Variants in ARHGAP15 observed in about 807,000 individuals in gnomAD.
The protein encoded by ARHGAP15 is Rho GTPase activating protein 15.
ARHGAP15 carries 51 observed loss-of-function variants against 63.7 expected under a neutral mutation model. That is an observed-to-expected ratio of 0.80 (90% CI 0.64 to 1.01). ARHGAP15 has a LOEUF of 1.01. Ranked by LOEUF, ARHGAP15 falls within the 50% of genes least tolerant of loss-of-function variation. ARHGAP15 has a pLI of 0.00. For synonymous variants in ARHGAP15, 191 were observed against 193.8 expected, an observed-to-expected ratio of 0.99 and a Z score of 0.12; for missense variants, 560 against 564.6, an observed-to-expected ratio of 0.99 and a Z score of 0.08.
At chr2:143,198,495 T>G (rs1175147818) in intron 2 of ARHGAP15, among the ~76,000 whole-genome samples, 1 of 152,062 alleles carries the variant, frequency 6.6e-6, no homozygotes, top group Non-Finnish European at 1.5e-5. Context: ...AAATAAAATA[T>G]ATTCATACCA....
At chr2:143,200,010 T>C (rs941264852) in intron 2 of ARHGAP15, among the ~76,000 whole-genome samples, 1 of 152,086 alleles carries the variant, frequency 6.6e-6, no homozygotes, top group African/African-American at 2.4e-5. Context: ...ACTTGGTACC[T>C]GGGAAAAACA....
intron 6 of ARHGAP15, among the ~76,000 whole-genome samples, chr2:143,258,595 A>G (rs1420116911): frequency 1.3e-5 from 2 of 152,162 alleles, no homozygotes; most frequent in African/African-American, 4.8e-5. Context: ...TGGTATTTGA[A>G]GAGGGGAGGA....
At chr2:143,471,583 G>A (rs926976327) in intron 8 of ARHGAP15, among the ~76,000 whole-genome samples, 1 of 152,024 alleles carries the variant, frequency 6.6e-6, no homozygotes, top group Non-Finnish European at 1.5e-5. Flanking sequence ...ACAATTTTAA[G>A]TAGAGAAAGA....
In ARHGAP15 at chr2:143,387,500, G is replaced by C. The variant is rs72999529; in HGVS notation, c.475-48101G>C. Among the ~76,000 whole-genome samples, 245 of 152,248 alleles carry C rather than the reference G, an allele frequency of 1.6e-3. 1 individual carries two copies. The highest frequency in any genetic ancestry group is 5.5e-3 in the African/African-American group (227 of 41,526). On this transcript the variant is annotated intron_variant, in intron 6 of 13. Coordinates refer to ENST00000295095, the MANE Select transcript of ARHGAP15 (RefSeq NM_018460.4). Reference sequence around the variant, plus strand: ...GAGCACCCATTGTGAGCCAGGCCCTGTTGTATACTCTTTTCAATTATTAGT... The same window carrying C: ...GAGCACCCATTGTGAGCCAGGCCCTCTTGTATACTCTTTTCAATTATTAGT...
At chr2:143,460,700 C>T (rs2105157935) in intron 8 of ARHGAP15, among the ~76,000 whole-genome samples, 1 of 152,118 alleles carries the variant, frequency 6.6e-6, no homozygotes, top group Non-Finnish European at 1.5e-5. Context: ...AAGACTTTAC[C>T]TAAACTTTGA....
intron 9 of ARHGAP15, among the ~76,000 whole-genome samples, chr2:143,516,780 T>G (rs907409184): frequency 6.6e-6 from 1 of 152,190 alleles, no homozygotes; most frequent in African/African-American, 2.4e-5. Flanking sequence ...TTTCTTGGAG[T>G]GGTTACACAG....
intron 13 of ARHGAP15, among the ~76,000 whole-genome samples, chr2:143,763,593 T>C (rs139585557): frequency 6.7e-6 from 1 of 149,946 alleles, no homozygotes; most frequent in African/African-American, 2.5e-5. Context: ...AAATTGCATA[T>C]ATATATCTTA....
chr2:143,158,499 C>T (rs191150082), intron 2 of ARHGAP15, among the ~76,000 whole-genome samples: 4 of 151,982 alleles, frequency 2.6e-5, no homozygotes, highest in East Asian at 3.9e-4. Context: ...TGATGTGCAT[C>T]GTTTTCTTTA....
At chr2:143,413,962 T>TGCGCGCGCGC (rs1337258046) in intron 6 of ARHGAP15, among the ~76,000 whole-genome samples, 5 of 59,602 alleles carry the variant, frequency 8.4e-5, no homozygotes, top group African/African-American at 3.1e-4. Context: ...TGTGTGTGTG[T>TGCGCGCGCGC]GTGTGCGCGC....
At chr2:143,555,790 T>G (rs893723992) in intron 10 of ARHGAP15, among the ~76,000 whole-genome samples, 2 of 152,110 alleles carry the variant, frequency 1.3e-5, no homozygotes, top group African/African-American at 4.8e-5. Context: ...ATATCTAGAA[T>G]AGAATTTTTA....
intron 6 of ARHGAP15, among the ~76,000 whole-genome samples, chr2:143,360,296 G>T (rs938732604): frequency 1.3e-5 from 2 of 151,916 alleles, no homozygotes; most frequent in Non-Finnish European, 1.5e-5. Context: ...GAGGAGGGAG[G>T]ATTGCTTTAG....
intron 6 of ARHGAP15, among the ~76,000 whole-genome samples, chr2:143,340,144 T>C (rs531132849): frequency 6.6e-6 from 1 of 152,202 alleles, no homozygotes; most frequent in South Asian, 2.1e-4. Flanking sequence ...AGAGGGACAT[T>C]TTGTCGTTTG....
intron 6 of ARHGAP15, among the ~76,000 whole-genome samples, chr2:143,303,278 A>G (rs1466957866): frequency 6.6e-6 from 1 of 152,100 alleles, no homozygotes; most frequent in Non-Finnish European, 1.5e-5. Context: ...CAAAGGATTA[A>G]TATCCAGAAT....
intron 3 of ARHGAP15, among the ~76,000 whole-genome samples, chr2:143,210,097 A>G (rs1020894305): frequency 4.6e-5 from 7 of 152,178 alleles, no homozygotes; most frequent in African/African-American, 1.7e-4. Flanking sequence ...CAGGAAGGCC[A>G]TTCTCATTGA....
At chr2:143,751,510 C>T (rs1021783978) in intron 13 of ARHGAP15, among the ~76,000 whole-genome samples, 1 of 152,182 alleles carries the variant, frequency 6.6e-6, no homozygotes, top group Non-Finnish European at 1.5e-5. Context: ...CCCCAGGACT[C>T]TCAGGGAGAG....
intron 11 of ARHGAP15, among the ~76,000 whole-genome samples, chr2:143,561,914 A>T (rs1158701143): frequency 6.6e-6 from 1 of 152,134 alleles, no homozygotes; most frequent in African/African-American, 2.4e-5. Flanking sequence ...AATCTACATG[A>T]TCAAGAATCT....
intron 1 of ARHGAP15, among the ~76,000 whole-genome samples, chr2:143,151,461 A>C (rs774959530): frequency 2.6e-5 from 4 of 151,992 alleles, no homozygotes; most frequent in Non-Finnish European, 5.9e-5. Context: ...ATGTAGCCAG[A>C]AGAGTTTCCA....
chr2:143,628,006 T>G (rs1466391772), intron 12 of ARHGAP15, among the ~76,000 whole-genome samples: 1 of 151,970 alleles, frequency 6.6e-6, no homozygotes, highest in Non-Finnish European at 1.5e-5. Context: ...TTGTCCCCAG[T>G]GTCTATTGTT....
chr2:143,258,564 T>C (rs2105006813), intron 6 of ARHGAP15, among the ~76,000 whole-genome samples: 1 of 152,246 alleles, frequency 6.6e-6, no homozygotes, highest in South Asian at 2.1e-4. Context: ...TATAAAACAC[T>C]GCAGGGCAGT....
Sources: allele counts gnomAD v4.1 joint callset (sites outside exome capture counted in the v4.1 genomes callset), GRCh38; gene constraint gnomAD v4.1.1; transcripts MANE v1.5; gene names NCBI Gene and HGNC (gene_info 2026-07-23, HGNC 2026-07-21).